The following TRPV4 variants were observed in gnomAD, a reference collection of about 807,000 sequenced individuals.
The protein encoded by TRPV4 is OSM9-like transient receptor potential channel 4.
Under a neutral mutation model 84.1 loss-of-function variants are expected in TRPV4, and 58 were observed. That is an observed-to-expected ratio of 0.69 (90% CI 0.56 to 0.86). The LOEUF (loss-of-function observed/expected upper bound fraction) is 0.86, where lower values mean the gene tolerates loss of function less well. TRPV4 is among the 40% of genes least tolerant of loss of function. The pLI is 0.00. For missense variants in TRPV4, 879 were observed against 1,181.1 expected, an observed-to-expected ratio of 0.74 and a Z score of 3.75; for synonymous variants, 489 against 500.9, an observed-to-expected ratio of 0.98 and a Z score of 0.32.
chr12:109,810,301 GAGA>G (rs1238637117), intron 2 of TRPV4, among the ~76,000 whole-genome samples: 1 of 152,234 alleles, frequency 6.6e-6, no homozygotes, highest in South Asian at 2.1e-4. Flanking sequence ...AGAGACTAAA[GAGA>G]AGGAGGAAGA....
chr12:109,792,263 AAAG>A (rs1274303174), intron 12 of TRPV4, 97 bp downstream of exon 12: 3 of 907,526 alleles, frequency 3.3e-6, no homozygotes, highest in African/African-American at 3.4e-5. Flanking sequence ...AAAAAAAAAA[AAAG>A]AACTCAGCAA....
rs1415601560 is a variant in TRPV4, at chr12:109,802,856, A to ATCCATCCG, written c.712+134_712+135insCGGATGGA. On this transcript the variant is annotated intron_variant, in intron 4 of 15. Coordinates refer to ENST00000261740, the MANE Select transcript of TRPV4 (RefSeq NM_021625.5). ...CATCCATGCATCCATCCATCCATCCATCCATCCATCCATTTGTCAGGTCCT... is the reference window on the plus strand; with the variant it reads ...CATCCATGCATCCATCCATCCATCCATCCATCCGTCCATCCATCCATTTGTCAGGTCCT... 281 of 860,966 alleles carry ATCCATCCG rather than the reference A, an allele frequency of 3.3e-4. 1 individual carries two copies. The Middle Eastern group carries it at 4.6e-3, about 14-fold the overall frequency. 53.3% of individuals were successfully genotyped at this position (860,966 alleles called of 1,614,324 possible). A position where few individuals can be genotyped will look rare whatever the true frequency, so the allele number is the denominator to read the frequency against.
intron 7 of TRPV4, among the ~76,000 whole-genome samples, chr12:109,795,015 T>C (rs1180997594): frequency 6.6e-6 from 1 of 152,124 alleles, no homozygotes; most frequent in African/African-American, 2.4e-5. Flanking sequence ...TGAGACTCCA[T>C]CTCAAAAAAG....
At chr12:109,802,867 CATTT>C (rs1029652159) in intron 4 of TRPV4, 120 bp downstream of exon 4, 16 of 947,278 alleles carry the variant, frequency 1.7e-5, no homozygotes, top group Admixed American at 7.5e-5. Flanking sequence ...TCCATCCATC[CATTT>C]GTCAGGTCCT....
chr12:109,819,709 A>G (rs868799352), intron 1 of TRPV4, among the ~76,000 whole-genome samples: 1 of 152,092 alleles, frequency 6.6e-6, no homozygotes, highest in Non-Finnish European at 1.5e-5. Context: ...TTACAGAAAC[A>G]TGCCACTACC....
At chr12:109,802,142 T>C (rs1890824363) in intron 4 of TRPV4, among the ~76,000 whole-genome samples, 1 of 151,372 alleles carries the variant, frequency 6.6e-6, no homozygotes, top group African/African-American at 2.4e-5. Flanking sequence ...TTTTTTTTTT[T>C]TTTTTGAGAC....
chr12:109,822,488 C>A (rs547742656), intron 1 of TRPV4, among the ~76,000 whole-genome samples: 4 of 152,296 alleles, frequency 2.6e-5, no homozygotes, highest in Admixed American at 2.6e-4. Flanking sequence ...ACCTGTCCAC[C>A]CCCTCCCCAC....
At chr12:109,831,217 A>G (rs1330432200) in intron 1 of TRPV4, among the ~76,000 whole-genome samples, 3 of 152,312 alleles carry the variant, frequency 2.0e-5, no homozygotes, top group African/African-American at 7.2e-5. Context: ...TAAAAGTCAT[A>G]TCTCTGCTAG....
In TRPV4 at chr12:109,794,347, G is replaced by A. The variant is rs1348949729; in HGVS notation, c.1473C>T (p.Tyr491=). The change falls in exon 8 of 16, where the codon TAC becomes TAT. Residue 491 remains tyrosine, a synonymous_variant. Coordinates refer to ENST00000261740, the MANE Select transcript of TRPV4 (RefSeq NM_021625.5). ...CACTCACTGTGCCCTCCAGCGGCTG[G>A]TAGTAGGCGGTGAGAGTGAAGATGA... is the stretch of plus-strand genomic sequence containing the variant. The part of the protein sequence containing the change: ...AMVIFTLTAY[Y]QPLEGTPPYP... 1 of 1,612,470 alleles carries A rather than the reference G, an allele frequency of 6.2e-7. No homozygotes were observed. Among genetic ancestry groups the A allele is most frequent in the African/African-American group, 1.3e-5 (1 of 74,938 alleles).
In TRPV4 at chr12:109,814,869, G is replaced by T. The variant is rs1891770746; in HGVS notation, c.-31-42C>A. 8 of 1,521,894 alleles carry T rather than the reference G, an allele frequency of 5.3e-6. No homozygotes were observed. The allele number at this position is 1,521,894 out of a possible 1,614,324, so 94.3% of individuals were successfully genotyped here. ...GGGGAGTCAGGCAGAACCCGGCCAGGGGCGGGGGCTCCAGGAAGCCCCCTC... is the reference window on the plus strand; with the variant it reads ...GGGGAGTCAGGCAGAACCCGGCCAGTGGCGGGGGCTCCAGGAAGCCCCCTC... On this transcript the variant is annotated intron_variant, in intron 1 of 15. Transcript: ENST00000261740. This position sits in a 1 kb window ranked among gnomAD's most constrained non-coding sequence, Gnocchi z 5.4.
chr12:109,798,717 A>T lies in TRPV4; in HGVS notation c.1049T>A (p.Leu350Gln). 1 of 1,614,098 alleles carries T rather than the reference A, an allele frequency of 6.2e-7. No homozygotes were observed. ...KFVTKMYDLL[L>Q]LKCARLFPDS... ...GGGGAAGAGGCGGGCACACTTGAGC[A>T]GCAGCAGGTCGTACATCTTGGTAAC... Residue 350 changes from leucine (L) to glutamine (Q), a missense_variant, in exon 6 of 16, where the codon CTG (leucine) becomes CAG (glutamine). Coordinates refer to ENST00000261740, the MANE Select transcript of TRPV4 (RefSeq NM_021625.5). The surrounding 1 kb of genome is among the most constrained non-coding windows in gnomAD (Gnocchi z 5.0).
chr12:109,801,626 G>A (rs1347520072), intron 4 of TRPV4, among the ~76,000 whole-genome samples: 1 of 152,070 alleles, frequency 6.6e-6, no homozygotes, highest in Non-Finnish European at 1.5e-5. Flanking sequence ...AGCAGCATGA[G>A]AACGGGCTAA....
chr12:109,826,772 A>G (rs563879279), intron 1 of TRPV4, among the ~76,000 whole-genome samples: 12 of 152,328 alleles, frequency 7.9e-5, no homozygotes, highest in African/African-American at 2.9e-4. Context: ...GTGGCCCCAG[A>G]CGGATCACTT....
chr12:109,825,755 AG>A (rs1892236097), intron 1 of TRPV4, among the ~76,000 whole-genome samples: 1 of 152,164 alleles, frequency 6.6e-6, no homozygotes, highest in Admixed American at 6.5e-5. Context: ...TAGGAGCAAA[AG>A]TCCCGAGTTT....
intron 1 of TRPV4, among the ~76,000 whole-genome samples, chr12:109,826,067 A>T (rs1210571123): frequency 6.6e-6 from 1 of 152,194 alleles, no homozygotes; most frequent in Non-Finnish European, 1.5e-5. Flanking sequence ...TTTGTCACCC[A>T]GGCTGGAGTG....
At chr12:109,788,886 G>C (rs1889867123) in intron 12 of TRPV4, among the ~76,000 whole-genome samples, 170 bp from the exon 13 acceptor site, 1 of 152,204 alleles carries the variant, frequency 6.6e-6, no homozygotes, top group Non-Finnish European at 1.5e-5. Context: ...ACCAGACCCA[G>C]GTCCTCCTGA....
chr12:109,832,129 G>A (rs1892425387), intron 1 of TRPV4, among the ~76,000 whole-genome samples: 1 of 152,156 alleles, frequency 6.6e-6, no homozygotes, highest in Non-Finnish European at 1.5e-5. Flanking sequence ...ACAGAGGAGA[G>A]AACACAAAGG....
intron 1 of TRPV4, among the ~76,000 whole-genome samples, chr12:109,830,199 G>GGCCA (rs151200520): frequency 0.046 from 6,976 of 152,098 alleles, 190 homozygotes; most frequent in Middle Eastern, 0.092. Context: ...AATGGGGACG[G>GGCCA]GCCACCTTAC....
intron 2 of TRPV4, among the ~76,000 whole-genome samples, chr12:109,810,730 A>G (rs1174483661): frequency 6.6e-6 from 1 of 152,168 alleles, no homozygotes; most frequent in Non-Finnish European, 1.5e-5. Flanking sequence ...GCCAAAAAAT[A>G]AAAAGCAATA....
Sources: allele counts gnomAD v4.1 joint callset (sites outside exome capture counted in the v4.1 genomes callset), GRCh38; gene constraint gnomAD v4.1.1; non-coding constraint Gnocchi (gnomAD v3.1); transcripts MANE v1.5; gene names NCBI Gene and HGNC (gene_info 2026-07-23, HGNC 2026-07-21).